Variants in SGCZ observed in about 807,000 individuals in gnomAD.
The protein encoded by SGCZ is zeta-sarcoglycan.
In SGCZ, 40 loss-of-function variants were observed where a neutral mutation model predicts 41.3. That is an observed-to-expected ratio of 0.97 (90% CI 0.75 to 1.26). SGCZ has a LOEUF of 1.26. SGCZ is among the 50% of genes most tolerant of loss of function. The pLI is 0.00. For synonymous variants in SGCZ, 206 were observed against 137.5 expected (o/e 1.50, Z -3.49); for missense variants, 552 against 369.8 (o/e 1.49, Z -4.04).
chr8:14,231,209 G>C (rs1260009346), intron 4 of SGCZ, among the ~76,000 whole-genome samples: 1 of 137,908 alleles, frequency 7.3e-6, no homozygotes, highest in African/African-American at 2.7e-5. Context: ...TGGGGAGAGA[G>C]AGGGGGAAAG....
At chr8:14,622,863 C>T (rs1238771869) in intron 1 of SGCZ, among the ~76,000 whole-genome samples, 3 of 152,132 alleles carry the variant, frequency 2.0e-5, no homozygotes, top group Non-Finnish European at 4.4e-5. Flanking sequence ...AATGACAATT[C>T]ATTTTTTAAT....
At chr8:14,608,290 G>C (rs1045212760) in intron 1 of SGCZ, among the ~76,000 whole-genome samples, 1 of 150,486 alleles carries the variant, frequency 6.6e-6, no homozygotes, top group East Asian at 2.0e-4. Flanking sequence ...GTAAATACAA[G>C]TGTATTTGTT....
At chr8:14,785,843 G>C (rs1455431983) in intron 1 of SGCZ, among the ~76,000 whole-genome samples, 2 of 151,688 alleles carry the variant, frequency 1.3e-5, no homozygotes, top group East Asian at 1.9e-4. Context: ...TACTTTCACA[G>C]AGTTTCTTAC....
chr8:14,598,305 C>G (rs575881944), intron 1 of SGCZ, among the ~76,000 whole-genome samples: 1 of 151,516 alleles, frequency 6.6e-6, no homozygotes, highest in Non-Finnish European at 1.5e-5. Flanking sequence ...TGTTTTCTTG[C>G]GAGTTTGCAT....
intron 1 of SGCZ, among the ~76,000 whole-genome samples, chr8:14,605,111 T>C (rs1488766441): frequency 6.6e-6 from 1 of 152,184 alleles, no homozygotes; most frequent in Admixed American, 6.5e-5. Context: ...CGTTAATTTG[T>C]TAAAAGGGTT....
chr8:14,961,477 TGA>T (rs369006517), intron 1 of SGCZ, among the ~76,000 whole-genome samples: 2 of 151,698 alleles, frequency 1.3e-5, no homozygotes, highest in East Asian at 3.9e-4. Context: ...TAAGGTATTT[TGA>T]GAGAGAGAGA....
intron 1 of SGCZ, among the ~76,000 whole-genome samples, chr8:14,923,101 C>T (rs925039155): frequency 1.2e-4 from 18 of 152,076 alleles, no homozygotes; most frequent in African/African-American, 3.4e-4. Flanking sequence ...CTAGTGTCTG[C>T]AAAGTCATCT....
chr8:14,963,351 T>G (rs890971331), intron 1 of SGCZ, among the ~76,000 whole-genome samples: 9 of 142,874 alleles, frequency 6.3e-5, no homozygotes, highest in Non-Finnish European at 1.2e-4. Context: ...TTTTTTTTTT[T>G]GTTTGGAGAC....
chr8:14,855,554 C>T (rs1803518749), intron 1 of SGCZ, among the ~76,000 whole-genome samples: 1 of 152,174 alleles, frequency 6.6e-6, no homozygotes, highest in Non-Finnish European at 1.5e-5. Flanking sequence ...CTGGTTCTCT[C>T]ATCTCTAGGC....
intron 2 of SGCZ, among the ~76,000 whole-genome samples, chr8:14,380,814 A>G (rs1452542216): frequency 2.6e-5 from 4 of 152,132 alleles, no homozygotes; most frequent in African/African-American, 4.8e-5. Context: ...AGTTGAGATC[A>G]TGCCACTGCA....
At chr8:14,669,629 C>T (rs76447560) in intron 1 of SGCZ, among the ~76,000 whole-genome samples, 2,539 of 151,752 alleles carry the variant, frequency 0.017, 80 homozygotes, top group African/African-American at 0.059. Flanking sequence ...CAGGTCCATA[C>T]ATGTTATCAC....
intron 2 of SGCZ, among the ~76,000 whole-genome samples, chr8:14,324,599 T>C (rs1161064999): frequency 1.3e-5 from 2 of 152,140 alleles, no homozygotes; most frequent in African/African-American, 2.4e-5. Context: ...GTTATACAAA[T>C]AACTCTAAAA....
intron 1 of SGCZ, among the ~76,000 whole-genome samples, chr8:14,768,734 C>T (rs962426031): frequency 2.0e-5 from 3 of 152,062 alleles, no homozygotes; most frequent in Middle Eastern, 3.4e-3. Context: ...TCACAGAACA[C>T]TTACAGATGG....
chr8:15,154,815 A>C (rs944042786), intron 1 of SGCZ, among the ~76,000 whole-genome samples: 2 of 152,244 alleles, frequency 1.3e-5, no homozygotes, highest in Non-Finnish European at 2.9e-5. Context: ...CAGAATTTGT[A>C]TAAAAAGTTA....
chr8:14,839,463 G>A (rs759611325), intron 1 of SGCZ, among the ~76,000 whole-genome samples: 2 of 152,136 alleles, frequency 1.3e-5, no homozygotes, highest in Non-Finnish European at 2.9e-5. Flanking sequence ...GAGTTCAGGA[G>A]AAAAGTTAAA....
At chr8:14,504,240 G>T (rs1459681375) in intron 2 of SGCZ, among the ~76,000 whole-genome samples, 1 of 152,182 alleles carries the variant, frequency 6.6e-6, no homozygotes, top group Admixed American at 6.5e-5. Flanking sequence ...GGTTGTGCCT[G>T]CATTCTGTTT....
chr8:14,314,885 T>A (rs1265656434), intron 3 of SGCZ, among the ~76,000 whole-genome samples: 1 of 152,162 alleles, frequency 6.6e-6, no homozygotes, highest in African/African-American at 2.4e-5. Context: ...GCAGGATGCA[T>A]ACAACCCCTA....
At position 14,535,182 on chromosome 8, in the gene SGCZ, G is replaced by T. The variant is rs183116594; in HGVS notation, c.234+19550C>A. Among the ~76,000 whole-genome samples, 612 of 151,970 alleles carry T rather than the reference G, an allele frequency of 4.0e-3. 1 individual carries two copies. Among genetic ancestry groups the T allele is most frequent in the African/African-American group, 0.014 (563 of 41,494 alleles). On this transcript the variant is annotated intron_variant, in intron 2 of 7. Transcript: ENST00000382080. Reference sequence around the variant, plus strand: ...TATTATTAAAATTATGAGTTATTTAGATTTGATTACTTAAATTTGAATAGT... The same window carrying T: ...TATTATTAAAATTATGAGTTATTTATATTTGATTACTTAAATTTGAATAGT...
At chr8:15,030,251 T>C (rs1353487231) in intron 1 of SGCZ, among the ~76,000 whole-genome samples, 1 of 152,156 alleles carries the variant, frequency 6.6e-6, no homozygotes, top group Admixed American at 6.5e-5. Flanking sequence ...GTTTTCAAAA[T>C]GCCAAGATCT....
Sources: allele counts gnomAD v4.1 joint callset (sites outside exome capture counted in the v4.1 genomes callset), GRCh38; gene constraint gnomAD v4.1.1; transcripts MANE v1.5; gene names NCBI Gene and HGNC (gene_info 2026-07-23, HGNC 2026-07-21).